The following CADM2 variants were observed in gnomAD, a reference collection of about 807,000 sequenced individuals.
CADM2 encodes cell adhesion molecule 2.
CADM2 carries 12 observed loss-of-function variants against 49.8 expected under a neutral mutation model. That is an observed-to-expected ratio of 0.24 (90% CI 0.15 to 0.39). CADM2 has a LOEUF of 0.39. Among genes scored for constraint, CADM2 ranks in the 10% least tolerant of loss-of-function variants. CADM2 has a pLI of 1.00. For synonymous variants in CADM2, 214 were observed against 175.4 expected, an observed-to-expected ratio of 1.22 and a Z score of -1.74; for missense variants, 378 against 492.3, an observed-to-expected ratio of 0.77 and a Z score of 2.20.
intron 1 of CADM2, among the ~76,000 whole-genome samples, chr3:85,112,647 T>A (rs1255406794): frequency 6.6e-6 from 1 of 151,840 alleles, no homozygotes; most frequent in East Asian, 1.9e-4. Context: ...TTCTGAAAAT[T>A]TCTATTCCAA....
intron 4 of CADM2, among the ~76,000 whole-genome samples, chr3:85,883,931 C>T (rs1713186111): frequency 6.6e-6 from 1 of 152,046 alleles, no homozygotes; most frequent in Non-Finnish European, 1.5e-5. Context: ...TTTAAATGAC[C>T]CTGATATTTC....
At chr3:85,974,677 A>T (rs1373271875) in intron 8 of CADM2, among the ~76,000 whole-genome samples, 1 of 151,640 alleles carries the variant, frequency 6.6e-6, no homozygotes, top group Non-Finnish European at 1.5e-5. Context: ...ATACTTCTGC[A>T]TGTGACTAAG....
intron 1 of CADM2, among the ~76,000 whole-genome samples, chr3:85,005,108 T>C (rs1443434889): frequency 1.3e-5 from 2 of 152,150 alleles, no homozygotes; most frequent in East Asian, 1.9e-4. Flanking sequence ...CCTTGGTAAA[T>C]AGCAATAATA....
chr3:85,629,458 A>G (rs2064239178), intron 1 of CADM2, among the ~76,000 whole-genome samples: 1 of 151,920 alleles, frequency 6.6e-6, no homozygotes, highest in Admixed American at 6.6e-5. Context: ...TGCATTGGTT[A>G]AAGTTTATAG....
At chr3:85,409,488 CA>C (rs1261928459) in intron 1 of CADM2, among the ~76,000 whole-genome samples, 1 of 152,056 alleles carries the variant, frequency 6.6e-6, no homozygotes, top group African/African-American at 2.4e-5. Context: ...GAGATATGGT[CA>C]GGGGCCATGT....
chr3:85,768,289 T>C (rs917786360), intron 2 of CADM2, among the ~76,000 whole-genome samples: 5 of 151,434 alleles, frequency 3.3e-5, no homozygotes, highest in African/African-American at 7.3e-5. Flanking sequence ...TCTACTAAAA[T>C]AGAAAAATTA....
rs150482845 is a variant in CADM2, at chr3:85,044,131, A to G, written c.61+84463A>G. 2.6e-5 allele frequency among the ~76,000 whole-genome samples: 4 copies of G among 152,220 alleles called. No homozygotes were observed. In the East Asian group the frequency reaches 7.7e-4, roughly 29 times the overall value. On this transcript the variant is annotated intron_variant, in intron 1 of 9. Coordinates refer to ENST00000383699, the MANE Select transcript of CADM2 (RefSeq NM_001167675.2). ...ACCTTAGCTTATTGCCAACCAAAAC[A>G]TCTGTCCTTCCACCTAATACTACAA...
chr3:85,723,255 CA>C (rs1474658990), intron 1 of CADM2, among the ~76,000 whole-genome samples: 1 of 151,980 alleles, frequency 6.6e-6, no homozygotes, highest in Non-Finnish European at 1.5e-5. Flanking sequence ...ATTATAAAGA[CA>C]AAAAATGGTG....
At chr3:85,293,926 A>G (rs1200625383) in intron 1 of CADM2, among the ~76,000 whole-genome samples, 1 of 152,002 alleles carries the variant, frequency 6.6e-6, no homozygotes, top group Non-Finnish European at 1.5e-5. Context: ...ATAGTGTTGG[A>G]AGTTCTGGCC....
intron 1 of CADM2, chr3:84,959,995 A>G (rs2030306945): frequency 6.5e-6 from 3 of 462,674 alleles, no homozygotes; most frequent in East Asian, 7.6e-5. Context: ...TGCCTCTCTG[A>G]ACATTCCACC....
chr3:85,932,840 C>T (rs1388647252), intron 6 of CADM2, among the ~76,000 whole-genome samples: 1 of 152,070 alleles, frequency 6.6e-6, no homozygotes, highest in Non-Finnish European at 1.5e-5. Flanking sequence ...TGTCTTACAT[C>T]TCTTGATTTT....
intron 1 of CADM2, among the ~76,000 whole-genome samples, chr3:85,104,711 G>C (rs547450488): frequency 3.0e-4 from 46 of 152,276 alleles, no homozygotes; most frequent in Middle Eastern, 3.4e-3. Flanking sequence ...AGCATGGAAT[G>C]CTCTTCCATT....
intron 1 of CADM2, among the ~76,000 whole-genome samples, chr3:85,582,036 C>G (rs762779057): frequency 6.6e-6 from 1 of 152,090 alleles, no homozygotes; most frequent in African/African-American, 2.4e-5. Flanking sequence ...AAGCAATTCT[C>G]CTGCCTCAGT....
chr3:85,723,332 C>T (rs1199808328), intron 1 of CADM2, among the ~76,000 whole-genome samples: 2 of 152,072 alleles, frequency 1.3e-5, no homozygotes, highest in Non-Finnish European at 2.9e-5. Context: ...TATCTATAAA[C>T]AGTTAAAATT....
intron 2 of CADM2, among the ~76,000 whole-genome samples, chr3:85,730,377 G>T (rs544190867): frequency 6.6e-6 from 1 of 152,196 alleles, no homozygotes; most frequent in African/African-American, 2.4e-5. Context: ...GGGAGGCGGA[G>T]CCTGCAGTGA....
intron 1 of CADM2, among the ~76,000 whole-genome samples, chr3:85,145,419 C>G (rs1001182882): frequency 1.3e-5 from 2 of 151,932 alleles, no homozygotes; most frequent in African/African-American, 4.8e-5. Context: ...ACTTTTTTTC[C>G]CACAGTATTT....
In CADM2 at chr3:85,803,482, C is replaced by T. The variant is rs188602030; in HGVS notation, c.238+1286C>T. 1.0e-3 allele frequency among the ~76,000 whole-genome samples: 120 copies of T among 118,768 alleles called. 1 individual carries two copies. Among genetic ancestry groups the T allele is most frequent in the African/African-American group, 3.9e-3 (114 of 29,004 alleles). The allele number at this position is 118,768 out of a possible 152,430, so 77.9% of individuals were successfully genotyped here. A position where few individuals can be genotyped will look rare whatever the true frequency, so the allele number is the denominator to read the frequency against. ...CAGGGAGACAAAATGAAGAAACAGA[C>T]AGATAGATAGATAGATAAATAGATA... On this transcript the variant is annotated intron_variant, in intron 3 of 9. Transcript: ENST00000383699.
chr3:84,979,414 T>TA (rs1250752068), intron 1 of CADM2, among the ~76,000 whole-genome samples: 45 of 152,270 alleles, frequency 3.0e-4, no homozygotes, highest in Non-Finnish European at 5.0e-4. Flanking sequence ...TCCATTTGTT[T>TA]AAAAAATGTG....
chr3:85,695,984 A>C (rs1348857636), intron 1 of CADM2, among the ~76,000 whole-genome samples: 1 of 152,038 alleles, frequency 6.6e-6, no homozygotes, highest in Admixed American at 6.6e-5. Flanking sequence ...TGTTTATATT[A>C]AGTGTGTATA....
Sources: gnomAD v4.1 joint callset for allele counts (sites outside exome capture counted in the v4.1 genomes callset) on GRCh38, gnomAD v4.1.1 for gene constraint, MANE v1.5 for transcripts, NCBI Gene and HGNC (gene_info 2026-07-23, HGNC 2026-07-21) for gene names.